Variants in AOPEP observed in about 807,000 individuals in gnomAD.
The protein encoded by AOPEP is aminopeptidase O (putative).
In AOPEP, 77 loss-of-function variants were observed where a neutral mutation model predicts 98.1. That is an observed-to-expected ratio of 0.78 (90% confidence interval 0.65 to 0.95). The LOEUF is 0.95. Ranked by LOEUF, AOPEP falls within the 40% of genes least tolerant of loss-of-function variation. The pLI is 0.00. For missense variants in AOPEP, 1,024 were observed against 1,024.7 expected (o/e 1.00, Z 0.01); for synonymous variants, 346 against 365.3 (o/e 0.95, Z 0.60).
the AOPEP span, among the ~76,000 whole-genome samples, chr9:95,112,054 C>T: frequency 5.9e-5 from 9 of 152,212 alleles, no homozygotes; most frequent in South Asian, 2.1e-4. Flanking sequence ...TCTGACAAGA[C>T]GCAAAGTTCA....
intron 1 of AOPEP, among the ~76,000 whole-genome samples, chr9:94,754,281 A>T (rs1836497113): frequency 6.6e-6 from 1 of 152,228 alleles, no homozygotes; most frequent in Non-Finnish European, 1.5e-5. Flanking sequence ...CAGCAAATAC[A>T]CTGACTGTTA....
chr9:94,996,164 C>T (rs2061214683), intron 11 of AOPEP, among the ~76,000 whole-genome samples: 1 of 152,150 alleles, frequency 6.6e-6, no homozygotes, highest in South Asian at 2.1e-4. Context: ...GAGAAAACAT[C>T]CTACAAAAAG....
intron 6 of AOPEP, among the ~76,000 whole-genome samples, chr9:94,924,895 C>T (rs1305971905): frequency 6.6e-6 from 1 of 152,214 alleles, no homozygotes; most frequent in Non-Finnish European, 1.5e-5. Context: ...CACACGCTCC[C>T]AGTTTGCAAC....
At chr9:95,085,887 T>G (rs1364850595) in intron 16 of AOPEP, 8 of 1,198,816 alleles carry the variant, frequency 6.7e-6, no homozygotes, top group Non-Finnish European at 8.5e-6. Context: ...TCGGAGGAGC[T>G]CCTGTTGTTC....
chr9:95,036,389 C>A (rs1250600955), intron 13 of AOPEP, among the ~76,000 whole-genome samples: 2 of 152,134 alleles, frequency 1.3e-5, no homozygotes, highest in Non-Finnish European at 2.9e-5. Context: ...AAAAAAAATT[C>A]CAACTTTTAA....
rs1349932046 is a variant in AOPEP at position 94,957,637 on chromosome 9, C to G, written c.1872+1622C>G. On this transcript the variant is annotated intron_variant, in intron 9 of 16. Coordinates refer to ENST00000375315, the MANE Select transcript of AOPEP (RefSeq NM_001193329.3). ...TTTTTGGTATATTTACAAGATTGTTCAACCGTCATCATTATCTAATTTTAG... is the reference window on the plus strand; with the variant it reads ...TTTTTGGTATATTTACAAGATTGTTGAACCGTCATCATTATCTAATTTTAG... Among the ~76,000 whole-genome samples, 3 of 152,156 alleles carry G rather than the reference C, an allele frequency of 2.0e-5. 1 individual carries two copies. The East Asian group carries it at 5.8e-4, about 29-fold the overall frequency.
In AOPEP at chr9:95,086,248, G is replaced by A. The variant is rs186705870; in HGVS notation, c.*5-434G>A. 1.7e-4 allele frequency: 206 copies of A among 1,229,004 alleles called. 2 individuals are homozygous for A. The African/African-American group carries it at 3.0e-3, about 18-fold the overall frequency. 76.1% of individuals were successfully genotyped at this position (1,229,004 alleles called of 1,614,324 possible). On this transcript the variant is annotated intron_variant, in intron 16 of 16. Transcript: ENST00000375315. ...TCTGCATGTGCTCCTGCGGCGTGGGGGTTTGTAGACTTGGAAAACCCTGTT... is the reference window on the plus strand; with the variant it reads ...TCTGCATGTGCTCCTGCGGCGTGGGAGTTTGTAGACTTGGAAAACCCTGTT...
Position 95,029,793 on chromosome 9 carries a change from T to C in AOPEP, c.2115+24177T>C, listed in dbSNP as rs535272852. On this transcript the variant is annotated intron_variant, in intron 13 of 16. Transcript: ENST00000375315. ...TTTAATTTATAATAACCAAATCTGT[T>C]AATATGAAATCCAGGTGATAGTCTG... Among the ~76,000 whole-genome samples, 29 of 152,322 alleles carry C rather than the reference T, an allele frequency of 1.9e-4. No individual in the cohort carries two copies. In the South Asian group the frequency reaches 6.0e-3, roughly 32 times the overall value.
chr9:95,101,660 G>T, the AOPEP span: 15 of 1,610,282 alleles, frequency 9.3e-6, no homozygotes, highest in Non-Finnish European at 1.3e-5. Flanking sequence ...TGTGGCCCTG[G>T]CGAGCCTGAT....
the AOPEP span, among the ~76,000 whole-genome samples, chr9:95,095,022 C>T: frequency 2.0e-5 from 3 of 152,358 alleles, no homozygotes; most frequent in East Asian, 3.9e-4. Flanking sequence ...GCGGATGCAG[C>T]TGTCTGCCTC....
At chr9:95,081,194 G>A (rs1185097461) in intron 15 of AOPEP, among the ~76,000 whole-genome samples, 1 of 152,248 alleles carries the variant, frequency 6.6e-6, no homozygotes, top group Non-Finnish European at 1.5e-5. Context: ...CACCTGCCGT[G>A]CTGTGCTAGG....
intron 7 of AOPEP, among the ~76,000 whole-genome samples, chr9:94,937,997 C>T (rs2056527035): frequency 6.6e-6 from 1 of 152,164 alleles, no homozygotes; most frequent in South Asian, 2.1e-4. Context: ...CCTCAGCCTC[C>T]CGAGTAGCTG....
chr9:95,012,250 T>TA (rs1193773618), intron 13 of AOPEP, among the ~76,000 whole-genome samples: 1 of 152,162 alleles, frequency 6.6e-6, no homozygotes, highest in African/African-American at 2.4e-5. Flanking sequence ...AAAGCACACA[T>TA]ATCTAATTTA....
At chr9:95,101,648 C>T in the AOPEP span, 2 of 1,607,378 alleles carry the variant, frequency 1.2e-6, no homozygotes, top group Non-Finnish European at 8.5e-7. Flanking sequence ...CATCACCTGT[C>T]CTGTGGCCCT....
chr9:94,899,536 G>C (rs991971361), intron 5 of AOPEP, among the ~76,000 whole-genome samples: 5 of 151,682 alleles, frequency 3.3e-5, no homozygotes, highest in African/African-American at 1.2e-4. Flanking sequence ...AATTACTTGA[G>C]CCCAGGAGTT....
At chr9:94,973,495 C>T (rs1589131815) in intron 10 of AOPEP, among the ~76,000 whole-genome samples, 1 of 152,202 alleles carries the variant, frequency 6.6e-6, no homozygotes, top group Non-Finnish European at 1.5e-5. Context: ...GCCAGGTGGT[C>T]AGCATATTCT....
the AOPEP span, among the ~76,000 whole-genome samples, chr9:95,126,361 T>G: frequency 2.6e-5 from 4 of 152,350 alleles, no homozygotes; most frequent in Non-Finnish European, 5.9e-5. Context: ...TTACACTGAT[T>G]TTTGAGTTTT....
rs143978503 is a variant in AOPEP at position 94,826,137 on chromosome 9, C to T, written c.1364+25135C>T. On this transcript the variant is annotated intron_variant, in intron 5 of 16. Transcript: ENST00000375315. ...ATTGTTTCAGTTTTCCTTGTGGCAG[C>T]GGGCAGGGCACCAGAACATGCCCTC... Among the ~76,000 whole-genome samples, 574 of 152,088 alleles carry T rather than the reference C, an allele frequency of 3.8e-3. 6 individuals carry two copies. The highest frequency in any genetic ancestry group is 0.02 in the Middle Eastern group (6 of 294).
Position 95,086,857 on chromosome 9 carries a change from A to C in AOPEP, c.*180A>C. 2.0e-6 allele frequency: 2 copies of C among 987,894 alleles called. No individual in the cohort carries two copies. Among genetic ancestry groups the C allele is most frequent in the Non-Finnish European group, 2.4e-6 (2 of 830,098 alleles). The allele number at this position is 987,894 out of a possible 1,614,324, so 61.2% of individuals were successfully genotyped here. The stretch of plus-strand genomic sequence containing the variant: ...GGCTGGTCCCAGCCAGGCACACACA[A>C]AAGGCAGATTCTCGTAAACGCAGCC... On this transcript the variant is annotated 3_prime_UTR_variant, in exon 17 of 17. Transcript: ENST00000375315.
Sources: gnomAD v4.1 joint callset for allele counts (sites outside exome capture counted in the v4.1 genomes callset) on GRCh38, gnomAD v4.1.1 for gene constraint, MANE v1.5 for transcripts, NCBI Gene and HGNC (gene_info 2026-07-23, HGNC 2026-07-21) for gene names.